Variants in ENTPD4 observed in about 807,000 individuals in gnomAD.
ENTPD4 encodes the protein ectonucleoside triphosphate diphosphohydrolase 4, also known as Golgi UDPase.
A neutral mutation model predicts 79.1 loss-of-function variants in ENTPD4; 60 were observed. The observed-to-expected ratio is 0.76, with a 90% CI of 0.62 to 0.94. ENTPD4 has a LOEUF of 0.94. Ranked by LOEUF, ENTPD4 falls within the 40% of genes least tolerant of loss-of-function variation. The pLI is 0.00. For missense variants in ENTPD4, 772 were observed against 775.1 expected, an observed-to-expected ratio of 1.00 and a Z score of 0.05; for synonymous variants, 276 against 292.0, an observed-to-expected ratio of 0.95 and a Z score of 0.56.
At position 23,434,729 on chromosome 8, in the gene ENTPD4, T is replaced by C. The variant is rs964502291; in HGVS notation, c.1461-251A>G. On this transcript the variant is annotated intron_variant, in intron 11 of 12. Coordinates refer to ENST00000358689, the MANE Select transcript of ENTPD4 (RefSeq NM_004901.5). ...AACCCGGTCTCGGCATAATGTCATA[T>C]ATCCCTGAGATAGGTTTCTTTTCCA... 14 of 1,311,558 alleles carry C rather than the reference T, an allele frequency of 1.1e-5. No individual in the cohort carries two copies. The East Asian group carries it at 3.5e-4, about 32-fold the overall frequency. The allele number at this position is 1,311,558 out of a possible 1,614,324, so 81.2% of individuals were successfully genotyped here. A position where few individuals can be genotyped will look rare whatever the true frequency, so the allele number is the denominator to read the frequency against.
chr8:23,440,232 G>A, intron 8 of ENTPD4: 1 of 244,490 alleles, frequency 4.1e-6, no homozygotes, highest in Non-Finnish European at 7.9e-6. Flanking sequence ...GTTTCTATAT[G>A]CAAAGATGTC....
Position 23,444,550 on chromosome 8 carries a change from A to G in ENTPD4, c.469T>C (p.Leu157=), listed in dbSNP as rs769168677. ...GGCACATGCTCTGCAGCAAAGTTCA[A>G]AAGTGGAGAAATGTAATCACTGACT... The part of the protein sequence containing the change: ...EKVSDYISPL[L]NFAAEHVPRA... The change falls in exon 5 of 13, where the codon TTG becomes CTG. Residue 157 remains leucine, a synonymous_variant. Coordinates refer to ENST00000358689, the MANE Select transcript of ENTPD4 (RefSeq NM_004901.5). 6.2e-7 allele frequency: 1 copy of G among 1,614,184 alleles called. No homozygotes were observed.
rs1554489997 is a variant in ENTPD4, at chr8:23,447,950, A to C, written c.207-65T>G. On this transcript the variant is annotated intron_variant, in intron 3 of 12. Coordinates refer to ENST00000358689, the MANE Select transcript of ENTPD4 (RefSeq NM_004901.5). ...AATATCACCTGAAGTCTAACAGAGA[A>C]AATGCAGCAAATACCAAGTCAGTAA... 2.3e-5 allele frequency: 30 copies of C among 1,287,452 alleles called. No homozygotes were observed. In the South Asian group the frequency reaches 3.2e-4, roughly 14 times the overall value. 79.8% of individuals were successfully genotyped at this position (1,287,452 alleles called of 1,614,324 possible). A position where few individuals can be genotyped will look rare whatever the true frequency, so the allele number is the denominator to read the frequency against.
intron 1 of ENTPD4, among the ~76,000 whole-genome samples, chr8:23,452,332 T>C (rs564410369): frequency 6.6e-6 from 1 of 152,268 alleles, no homozygotes; most frequent in Admixed American, 6.5e-5. Flanking sequence ...AACTCTACAC[T>C]AGAGTGACAT....
chr8:23,448,258 G>A (rs573582301), intron 3 of ENTPD4, among the ~76,000 whole-genome samples: 179 of 152,306 alleles, frequency 1.2e-3, no homozygotes, highest in African/African-American at 4.2e-3. Context: ...AGCTTCAAAT[G>A]GTTTAACTGT....
Position 23,430,918 on chromosome 8 carries a change from C to A in ENTPD4, c.*2008G>T, listed in dbSNP as rs1379440823. 2 of 985,354 alleles carry A rather than the reference C, an allele frequency of 2.0e-6. No individual in the cohort carries two copies. Among genetic ancestry groups the A allele is most frequent in the Non-Finnish European group, 2.4e-6 (2 of 829,958 alleles). The allele number at this position is 985,354 out of a possible 1,614,324, so 61.0% of individuals were successfully genotyped here. A position where few individuals can be genotyped will look rare whatever the true frequency, so the allele number is the denominator to read the frequency against. ...AACTTATTAGGTAGCCAGAAGCTCA[C>A]CCCTTTCTTAACAACTTTGACCACG... On this transcript the variant is annotated 3_prime_UTR_variant, in exon 13 of 13. Transcript: ENST00000358689.
Position 23,444,545 on chromosome 8 carries a change from G to A in ENTPD4, c.474C>T (p.Asn158=). The change falls in exon 5 of 13, where the codon AAC becomes AAT. Residue 158 remains asparagine (N), a synonymous_variant. Transcript: ENST00000358689. ...KVSDYISPLL[N]FAAEHVPRAK... is the part of the protein sequence containing the mutation. ...CCCGTGGCACATGCTCTGCAGCAAA[G>A]TTCAAAAGTGGAGAAATGTAATCAC... 6.2e-7 allele frequency: 1 copy of A among 1,614,162 alleles called. No individual in the cohort carries two copies. Among genetic ancestry groups the A allele is most frequent in the Non-Finnish European group, 8.5e-7 (1 of 1,179,990 alleles).
rs953895067 is a variant in ENTPD4, at chr8:23,432,151, A to G, written c.*775T>C. The G allele has an allele frequency of 1.7e-5, 17 of 984,248 alleles. No individual in the cohort carries two copies. In the African/African-American group the frequency reaches 2.8e-4, roughly 16 times the overall value. The allele number at this position is 984,248 out of a possible 1,614,324, so 61.0% of individuals were successfully genotyped here. On this transcript the variant is annotated 3_prime_UTR_variant, in exon 13 of 13. Transcript: ENST00000358689. ...TTGCAAAGAAAACATATACAGTAAC[A>G]GACCTGAACAATAAATAAAAAAAAA...
rs891529162 is a variant in ENTPD4 at position 23,431,858 on chromosome 8, C to T, written c.*1068G>A. 1 of 985,220 alleles carries T rather than the reference C, an allele frequency of 1.0e-6. No individual in the cohort carries two copies. The highest frequency in any genetic ancestry group is 1.7e-5 in the African/African-American group (1 of 57,208). The allele number at this position is 985,220 out of a possible 1,614,324, so 61.0% of individuals were successfully genotyped here. A position where few individuals can be genotyped will look rare whatever the true frequency, so the allele number is the denominator to read the frequency against. On this transcript the variant is annotated 3_prime_UTR_variant, in exon 13 of 13. Transcript: ENST00000358689. Reference sequence around the variant, plus strand: ...CTTTCAAAACCACAGTGTTCTAATGCCACTGAAATATGGAATAAGGAGCGT... The same window carrying T: ...CTTTCAAAACCACAGTGTTCTAATGTCACTGAAATATGGAATAAGGAGCGT...
intron 4 of ENTPD4, among the ~76,000 whole-genome samples, chr8:23,446,714 T>C (rs1800769174): frequency 6.6e-6 from 1 of 152,150 alleles, no homozygotes; most frequent in Non-Finnish European, 1.5e-5. Flanking sequence ...AATTATTCCG[T>C]AAAGAATGAG....
chr8:23,434,130 G>A, intron 12 of ENTPD4, 187 bp downstream of exon 12: 2 of 662,464 alleles, frequency 3.0e-6, no homozygotes, highest in Admixed American at 5.7e-5. Flanking sequence ...GGGATGGTAG[G>A]GTGAGAAGGG....
rs769692133 is a variant in ENTPD4, at chr8:23,432,859, TAA to T, written c.*65_*66del. 299 of 1,471,902 alleles carry T rather than the reference TAA, an allele frequency of 2.0e-4. No homozygotes were observed. The highest frequency in any genetic ancestry group is 1.7e-3 in the Admixed American group (62 of 36,704). The allele number at this position is 1,471,902 out of a possible 1,614,324, so 91.2% of individuals were successfully genotyped here. A position where few individuals can be genotyped will look rare whatever the true frequency, so the allele number is the denominator to read the frequency against. ...AAGAAAAAACAAAACCACAGGAAAATAAAGAGGAGAAACCCTGAGGCAAAAAT... is the reference window on the plus strand; with the variant it reads ...AAGAAAAAACAAAACCACAGGAAAATAGAGGAGAAACCCTGAGGCAAAAAT... On this transcript the variant is annotated 3_prime_UTR_variant, in exon 13 of 13. Transcript: ENST00000358689.
chr8:23,450,235 G>A (rs993627024), intron 1 of ENTPD4, among the ~76,000 whole-genome samples: 11 of 152,196 alleles, frequency 7.2e-5, no homozygotes, highest in African/African-American at 2.7e-4. Flanking sequence ...CTAACCTAAA[G>A]TGTCTGTGAC....
At chr8:23,435,046 G>T (rs1045016887) in intron 11 of ENTPD4, among the ~76,000 whole-genome samples, 1 of 152,172 alleles carries the variant, frequency 6.6e-6, no homozygotes, top group Non-Finnish European at 1.5e-5. Context: ...GAGGTAGGAT[G>T]AATTCTTGAG....
rs1800480814 is a variant in ENTPD4 at position 23,432,867 on chromosome 8, A to G, written c.*59T>C. On this transcript the variant is annotated 3_prime_UTR_variant, in exon 13 of 13. Transcript: ENST00000358689. ...ACAAAACCACAGGAAAATAAAGAGG[A>G]GAAACCCTGAGGCAAAAATGGCTTT... 1 of 1,487,410 alleles carries G rather than the reference A, an allele frequency of 6.7e-7. No homozygotes were observed. Among genetic ancestry groups the G allele is most frequent in the East Asian group, 2.5e-5 (1 of 40,244 alleles). 92.1% of individuals were successfully genotyped at this position (1,487,410 alleles called of 1,614,324 possible). A position where few individuals can be genotyped will look rare whatever the true frequency, so the allele number is the denominator to read the frequency against.
chr8:23,430,184 CT>C lies in ENTPD4; in HGVS notation c.*2741del. 2.0e-6 allele frequency: 2 copies of C among 985,446 alleles called. No individual in the cohort carries two copies. Among genetic ancestry groups the C allele is most frequent in the South Asian group, 9.4e-5 (2 of 21,284 alleles). The allele number at this position is 985,446 out of a possible 1,614,324, so 61.0% of individuals were successfully genotyped here. A position where few individuals can be genotyped will look rare whatever the true frequency, so the allele number is the denominator to read the frequency against. On this transcript the variant is annotated 3_prime_UTR_variant, in exon 13 of 13. Coordinates refer to ENST00000358689, the MANE Select transcript of ENTPD4 (RefSeq NM_004901.5). ...AGAGAAAGCACCTGGCTGTCTTCAC[CT>C]ACGCGAGACCTTCTCTGGAATGTGA...
intron 8 of ENTPD4, 121 bp downstream of exon 8, chr8:23,441,448 G>A (rs1585404737): frequency 1.3e-6 from 2 of 1,502,014 alleles, no homozygotes; most frequent in East Asian, 4.6e-5. Flanking sequence ...CCTGGGTTGA[G>A]AGGCGGCACC....
chr8:23,433,593 C>G (rs1800501017), intron 12 of ENTPD4, among the ~76,000 whole-genome samples: 1 of 152,164 alleles, frequency 6.6e-6, no homozygotes, highest in African/African-American at 2.4e-5. Flanking sequence ...GTTCTTAGCA[C>G]AGGTCAACTG....
chr8:23,457,523 C>T (rs926606119), intron 1 of ENTPD4, 34 bp downstream of exon 1: 21 of 152,002 alleles, frequency 1.4e-4, no homozygotes, highest in Non-Finnish European at 2.1e-4. Context: ...GGCCGCCCGC[C>T]CTCCCCTCAC....
Sources: gnomAD v4.1 joint callset for allele counts (sites outside exome capture counted in the v4.1 genomes callset) on GRCh38, gnomAD v4.1.1 for gene constraint, MANE v1.5 for transcripts, NCBI Gene and HGNC (gene_info 2026-07-23, HGNC 2026-07-21) for gene names.